TFAP2A: variants seen among roughly 807,000 people sequenced by gnomAD.
The protein encoded by TFAP2A is transcription factor AP-2-alpha.
TFAP2A carries 7 observed loss-of-function variants against 41.5 expected under a neutral mutation model. The observed-to-expected ratio is 0.17, with a 90% CI of 0.10 to 0.32. TFAP2A has a LOEUF of 0.32. Among genes scored for constraint, TFAP2A ranks in the 10% least tolerant of loss-of-function variants. The pLI is 1.00. For missense variants in TFAP2A, 416 were observed against 563.3 expected, an observed-to-expected ratio of 0.74 and a Z score of 2.65; for synonymous variants, 247 against 242.8, an observed-to-expected ratio of 1.02 and a Z score of -0.16.
chr6:10,400,837 C>T, intron 5 of TFAP2A: 1 of 665,436 alleles, frequency 1.5e-6, no homozygotes, highest in Admixed American at 2.0e-5. Flanking sequence ...ATCCACCAAC[C>T]TCCAGTCCCA....
upstream of TFAP2A, chr6:10,415,203 G>A: frequency 6.7e-7 from 1 of 1,486,710 alleles, no homozygotes; most frequent in South Asian, 1.3e-5. Context: ...CGAGGAGAAG[G>A]GCGAGGAGGA....
At chr6:10,399,889 G>A (rs1190323425) in intron 6 of TFAP2A, among the ~76,000 whole-genome samples, 2 of 150,116 alleles carry the variant, frequency 1.3e-5, no homozygotes, top group Admixed American at 6.6e-5. Context: ...ACTTATGTGG[G>A]GTGTGGGTCT....
chr6:10,399,561 C>G (rs1050976958), intron 6 of TFAP2A, among the ~76,000 whole-genome samples: 3 of 152,180 alleles, frequency 2.0e-5, no homozygotes, highest in African/African-American at 7.2e-5. Flanking sequence ...GCAGCAGCAG[C>G]CTGGCCTGGG....
chr6:10,404,655 T>C lies in TFAP2A; in HGVS notation c.623A>G (p.Asn208Ser). ...AACTGAACAGAAGACTTCGTTGGGG[T>C]TCACCACGCCGCCGAAGAGGTTGTC... is the stretch of plus-strand genomic sequence containing the variant. ...NKDNLFGGVV[N>S]PNEVFCSVPG... The change falls in exon 4 of 7, where the codon AAC becomes AGC. Residue 208 changes from asparagine (N) to serine (S), a missense_variant. By Grantham distance (46) the Asn-to-Ser change is conservative. Coordinates refer to ENST00000379613, the MANE Select transcript of TFAP2A (RefSeq NM_001372066.1). The C allele has an allele frequency of 1.9e-6, 3 of 1,613,666 alleles. No individual in the cohort carries two copies. The South Asian group carries it at 3.3e-5, about 18-fold the overall frequency.
intron 3 of TFAP2A, 72 bp downstream of exon 3, chr6:10,406,721 A>G: frequency 1.5e-6 from 2 of 1,324,594 alleles, no homozygotes; most frequent in South Asian, 2.3e-5. Context: ...AAATAAACAC[A>G]TCTCTGCAAG....
At chr6:10,419,396 A>G (rs1222146677), upstream of TFAP2A, 2 of 1,584,408 alleles carry the variant, frequency 1.3e-6, no homozygotes, top group African/African-American at 2.7e-5. Context: ...CCTCAACCCC[A>G]GCCAAGGCAA....
intron 5 of TFAP2A, 199 bp downstream of exon 5, chr6:10,402,293 G>A (rs746287906): frequency 1.5e-5 from 10 of 661,704 alleles, no homozygotes; most frequent in South Asian, 1.2e-4. Context: ...TAGAGGAAAA[G>A]AAGGAAGAAG....
At chr6:10,411,418 A>G in intron 1 of TFAP2A, 1 of 1,317,718 alleles carries the variant, frequency 7.6e-7, no homozygotes, top group East Asian at 2.4e-5. Context: ...AGAGCGAGAG[A>G]AAGGCGGAAG....
chr6:10,409,995 C>T lies in TFAP2A; in HGVS notation c.392G>A (p.Arg131Gln), dbSNP rs1757884401. The T allele has an allele frequency of 6.2e-7, 1 of 1,607,262 alleles. No homozygotes were observed. Among genetic ancestry groups the T allele is most frequent in the Non-Finnish European group, 8.5e-7 (1 of 1,176,980 alleles). Residue 131 changes from arginine (R) to glutamine (Q), a missense_variant, in exon 2 of 7, where the codon CGG (arginine) becomes CAG (glutamine). By Grantham distance (43) the Arg-to-Gln change is conservative. Coordinates refer to ENST00000379613, the MANE Select transcript of TFAP2A (RefSeq NM_001372066.1). Reference protein sequence around the residue: ...SGLDPRRDYRRHEDLLHGPHA... With the variant: ...SGLDPRRDYRQHEDLLHGPHA... ...TGGGCCGTGCAGGAGGTCCTCGTGC[C>T]GCCTGTAGTCCCTGCGAGGATCCAG...
At chr6:10,402,297 G>A in intron 5 of TFAP2A, 195 bp downstream of exon 5, 1 of 667,834 alleles carries the variant, frequency 1.5e-6, no homozygotes, top group East Asian at 3.0e-5. Flanking sequence ...GGAAAAGAAG[G>A]AAGAAGGATG....
chr6:10,411,825 G>A (rs1170964002), intron 1 of TFAP2A: 1 of 1,427,256 alleles, frequency 7.0e-7, no homozygotes, highest in East Asian at 2.6e-5. Flanking sequence ...CGAACCCACG[G>A]TCTCTATCCT....
upstream of TFAP2A, chr6:10,415,364 C>T: frequency 9.8e-7 from 1 of 1,019,872 alleles, no homozygotes; most frequent in Non-Finnish European, 1.3e-6. Flanking sequence ...AATCTGCCGC[C>T]GGCCGCTCCG....
chr6:10,416,130 C>T (rs551281943), upstream of TFAP2A: 22 of 152,340 alleles, frequency 1.4e-4, no homozygotes, highest in African/African-American at 5.1e-4. Flanking sequence ...AGTCTAGATA[C>T]CGTCTCGTGC....
upstream of TFAP2A, chr6:10,415,317 G>A: frequency 7.5e-7 from 1 of 1,328,388 alleles, no homozygotes; most frequent in Non-Finnish European, 9.8e-7. Context: ...CGCCTCATTA[G>A]CATATCAACA....
intron 1 of TFAP2A, chr6:10,411,880 C>T (rs1757986984): frequency 2.3e-6 from 3 of 1,322,170 alleles, no homozygotes; most frequent in South Asian, 3.3e-5. Context: ...ATGAAAAACC[C>T]CAAAAAAGGA....
In TFAP2A at chr6:10,396,950, A is replaced by G. The variant is rs911771746; in HGVS notation, c.*1467T>C. 6.6e-6 allele frequency: 1 copy of G among 152,654 alleles called. No homozygotes were observed. The highest frequency in any genetic ancestry group is 1.5e-5 in the Non-Finnish European group (1 of 68,042). The allele number at this position is 152,654 out of a possible 1,614,324, so 9.5% of individuals were successfully genotyped here. ...AAGGAGCAATTGCCAAGGGAGAGTT[A>G]AACTCAATTACTGTAACCATACTGA... is the stretch of plus-strand genomic sequence containing the variant. On this transcript the variant is annotated 3_prime_UTR_variant, in exon 7 of 7. Coordinates refer to ENST00000379613, the MANE Select transcript of TFAP2A (RefSeq NM_001372066.1).
intron 3 of TFAP2A, 89 bp downstream of exon 3, chr6:10,406,704 T>C: frequency 8.6e-7 from 1 of 1,163,240 alleles, no homozygotes; most frequent in Non-Finnish European, 1.3e-6. Flanking sequence ...GAAATCCTAT[T>C]TGGAAAAAAT....
At chr6:10,416,959 G>A (rs1758267111), upstream of TFAP2A, 1 of 152,640 alleles carries the variant, frequency 6.6e-6, no homozygotes, top group Non-Finnish European at 1.5e-5. Context: ...CCGGGCTGGA[G>A]GCTTGGCGCC....
intron 2 of TFAP2A, chr6:10,409,390 A>G (rs1250869615): frequency 1.3e-5 from 2 of 153,930 alleles, no homozygotes; most frequent in Non-Finnish European, 1.4e-5. Flanking sequence ...TTCTTTAATC[A>G]GGATAGGGTG....
Sources: gnomAD v4.1 joint callset for allele counts (sites outside exome capture counted in the v4.1 genomes callset) on GRCh38, gnomAD v4.1.1 for gene constraint, MANE v1.5 for transcripts, NCBI Gene and HGNC (gene_info 2026-07-23, HGNC 2026-07-21) for gene names.